DMD: variants seen among roughly 807,000 people sequenced by gnomAD.
The protein encoded by DMD is mutant dystrophin.
Under a neutral mutation model 330.1 loss-of-function variants are expected in DMD, and 63 were observed. The ratio of observed to expected loss-of-function variants is 0.19; its 90% CI spans 0.16 to 0.24. DMD has a LOEUF of 0.24. DMD is among the 10% of genes least tolerant of loss of function. DMD has a pLI of 1.00. For synonymous variants in DMD, 1,223 were observed against 959.8 expected, an observed-to-expected ratio of 1.27 and a Z score of -5.07; for missense variants, 3,344 against 2,684.1, an observed-to-expected ratio of 1.25 and a Z score of -5.43.
rs868437651 is a variant in DMD at position 32,520,810 on chromosome X, C to G, written c.2169-2679G>C. Among the ~76,000 whole-genome samples the G allele has an allele frequency of 2.7e-5, 3 of 109,357 alleles. No individual in the cohort carries two copies. In the South Asian group the frequency reaches 1.2e-3, roughly 44 times the overall value. The allele number at this position is 109,357 out of a possible 115,157, so 95.0% of individuals were successfully genotyped here. A position where few individuals can be genotyped will look rare whatever the true frequency, so the allele number is the denominator to read the frequency against. On this transcript the variant is annotated intron_variant, in intron 17 of 78. Coordinates refer to ENST00000357033, the MANE Select transcript of DMD (RefSeq NM_004006.3). ...GGGCAACCCAAACTAAGGCAATAAT[C>G]AACAGCCTCAAATGAACCTAGCATC...
chrX:32,023,971 G>T (rs768665958), intron 44 of DMD, among the ~76,000 whole-genome samples: 5 of 111,430 alleles, frequency 4.5e-5, no homozygotes, highest in Non-Finnish European at 9.4e-5. Flanking sequence ...AAGGGTTGAA[G>T]AACTAGTGGT....
intron 7 of DMD, among the ~76,000 whole-genome samples, chrX:32,753,697 T>A (rs1214785243): frequency 1.2e-4 from 14 of 112,390 alleles, no homozygotes; most frequent in African/African-American, 4.5e-4. Context: ...AAATACTACA[T>A]TATACTATAC....
At chrX:32,202,541 G>T (rs2097045709) in intron 44 of DMD, among the ~76,000 whole-genome samples, 1 of 111,211 alleles carries the variant, frequency 9.0e-6, no homozygotes, top group Non-Finnish European at 1.9e-5. Flanking sequence ...TAGTAGAGAT[G>T]GGGTTTCGCC....
At chrX:32,980,583 G>A (rs185979304) in intron 2 of DMD, among the ~76,000 whole-genome samples, 133 of 109,251 alleles carry the variant, frequency 1.2e-3, no homozygotes, top group African/African-American at 4.0e-3. Context: ...TTACTGACGC[G>A]TCCCCCAAAC....
chrX:31,941,982 G>A lies in DMD; in HGVS notation c.6615-9755C>T, dbSNP rs148398327. Among the ~76,000 whole-genome samples the A allele has an allele frequency of 3.6e-3, 397 of 111,737 alleles. 2 individuals carry two copies. The highest frequency in any genetic ancestry group is 0.012 in the African/African-American group (360 of 30,714). ...TGTCTTTGTTACTGTATAGTGCTGC[G>A]ACGAACATGTGAGTACATGTGTCTC... On this transcript the variant is annotated intron_variant, in intron 45 of 78. Coordinates refer to ENST00000357033, the MANE Select transcript of DMD (RefSeq NM_004006.3).
At chrX:32,647,703 G>A (rs746088781) in intron 9 of DMD, among the ~76,000 whole-genome samples, 21 of 111,861 alleles carry the variant, frequency 1.9e-4, no homozygotes, top group Non-Finnish European at 3.9e-4. Context: ...ATTAAAGAGT[G>A]CATAATGCAC....
chrX:31,398,700 T>A (rs1161194573), intron 60 of DMD, among the ~76,000 whole-genome samples: 1 of 112,240 alleles, frequency 8.9e-6, no homozygotes, highest in Non-Finnish European at 1.9e-5. Flanking sequence ...TGGAGGGCAG[T>A]GGCTATTCAC....
At chrX:32,349,751 T>C (rs2097775506) in intron 37 of DMD, among the ~76,000 whole-genome samples, 1 of 112,015 alleles carries the variant, frequency 8.9e-6, no homozygotes, top group East Asian at 2.8e-4. Context: ...TAGGTACTTC[T>C]ACACACCCCT....
At chrX:33,246,377 C>A (rs890581625) in intron 1 of DMD, among the ~76,000 whole-genome samples, 1 of 111,187 alleles carries the variant, frequency 9.0e-6, no homozygotes, top group Non-Finnish European at 1.9e-5. Flanking sequence ...TTATACAGTT[C>A]CAGTGATATC....
intron 74 of DMD, among the ~76,000 whole-genome samples, chrX:31,149,964 G>A (rs1241354104): frequency 8.9e-6 from 1 of 111,767 alleles, no homozygotes; most frequent in African/African-American, 3.2e-5. Context: ...TTCTTTTTGT[G>A]ACCTAGTTCA....
intron 9 of DMD, among the ~76,000 whole-genome samples, chrX:32,670,143 A>C (rs774835650): frequency 3.6e-5 from 4 of 111,756 alleles, no homozygotes; most frequent in Non-Finnish European, 7.5e-5. Flanking sequence ...CAGAGGATTT[A>C]TATGAAAAGT....
chrX:32,500,565 T>A (rs981777703), intron 19 of DMD, among the ~76,000 whole-genome samples: 1 of 111,769 alleles, frequency 8.9e-6, no homozygotes, highest in Non-Finnish European at 1.9e-5. Flanking sequence ...TAATACAGTT[T>A]CTAGGGGGAA....
chrX:32,673,804 G>T (rs2061787281), intron 9 of DMD, among the ~76,000 whole-genome samples: 1 of 112,188 alleles, frequency 8.9e-6, no homozygotes, highest in South Asian at 3.6e-4. Flanking sequence ...GCAAAGCACA[G>T]AGGCCTCTTA....
At chrX:31,328,008 A>G (rs779390770) in intron 61 of DMD, among the ~76,000 whole-genome samples, 3 of 112,525 alleles carry the variant, frequency 2.7e-5, no homozygotes, top group African/African-American at 3.2e-5. Flanking sequence ...TTGCATAAGC[A>G]TAAGTTTTCA....
chrX:31,924,516 A>G lies in DMD; in HGVS notation c.6912+5080T>C, dbSNP rs192667312. Reference sequence around the variant, plus strand: ...GAACCAGATTTCTGGAAATTTAGATACAGCCAACTGTATATTGTGGAAGAT... The same window carrying G: ...GAACCAGATTTCTGGAAATTTAGATGCAGCCAACTGTATATTGTGGAAGAT... On this transcript the variant is annotated intron_variant, in intron 47 of 78. Transcript: ENST00000357033. Among the ~76,000 whole-genome samples, 179 of 112,363 alleles carry G rather than the reference A, an allele frequency of 1.6e-3. 2 individuals are homozygous for G. Among genetic ancestry groups the G allele is most frequent in the African/African-American group, 5.4e-3 (166 of 30,990 alleles).
intron 54 of DMD, among the ~76,000 whole-genome samples, chrX:31,643,450 A>G (rs1220153305): frequency 7.2e-5 from 8 of 111,860 alleles, no homozygotes; most frequent in Middle Eastern, 4.4e-3. Context: ...CCTGAAGCAT[A>G]TATTTTTAAA....
At chrX:31,905,494 A>C (rs2149833776) in intron 47 of DMD, among the ~76,000 whole-genome samples, 1 of 111,470 alleles carries the variant, frequency 9.0e-6, no homozygotes, top group African/African-American at 3.3e-5. Flanking sequence ...AAACCATGTG[A>C]GAGAATGGAA....
chrX:31,986,445 G>C (rs1423724324), intron 44 of DMD, among the ~76,000 whole-genome samples: 1 of 110,479 alleles, frequency 9.1e-6, no homozygotes, highest in Non-Finnish European at 1.9e-5. Flanking sequence ...ACAGAGTCTC[G>C]CTCTGTCACC....
intron 47 of DMD, among the ~76,000 whole-genome samples, chrX:31,877,607 C>T (rs1330878909): frequency 9.0e-6 from 1 of 111,118 alleles, no homozygotes; most frequent in African/African-American, 3.3e-5. Flanking sequence ...ATATTGTTCT[C>T]TTTGCTTGAT....
Sources: gnomAD v4.1 joint callset for allele counts (sites outside exome capture counted in the v4.1 genomes callset) on GRCh38, gnomAD v4.1.1 for gene constraint, MANE v1.5 for transcripts, NCBI Gene and HGNC (gene_info 2026-07-23, HGNC 2026-07-21) for gene names.